The following REDIC1 variants were observed in gnomAD, a reference collection of about 807,000 sequenced individuals.
REDIC1 encodes the protein regulator of DNA class I crossover intermediates 1.
chr12:39,720,477 A>G, the REDIC1 span, among the ~76,000 whole-genome samples: 848 of 152,226 alleles, frequency 5.6e-3, 8 homozygotes, highest in African/African-American at 0.019. Context: ...GAGAGATGAT[A>G]GAGCCTGTGA....
chr12:39,830,583 G>T, the REDIC1 span: 2 of 633,744 alleles, frequency 3.2e-6, no homozygotes, highest in Non-Finnish European at 4.0e-6. Flanking sequence ...TTGTGATCCA[G>T]CCCTGACTGG....
the REDIC1 span, among the ~76,000 whole-genome samples, chr12:39,778,100 T>G: frequency 1.6e-3 from 251 of 152,220 alleles, 4 homozygotes; most frequent in East Asian, 0.036. Context: ...CCTAGAGGTT[T>G]GAGCAGCAGG....
the REDIC1 span, among the ~76,000 whole-genome samples, chr12:39,651,200 T>C: frequency 1.6e-4 from 24 of 152,322 alleles, no homozygotes; most frequent in South Asian, 4.8e-3. Flanking sequence ...TATAATGATA[T>C]ACTGTTAAAA....
At chr12:39,727,161 C>G in the REDIC1 span, among the ~76,000 whole-genome samples, 1 of 152,128 alleles carries the variant, frequency 6.6e-6, no homozygotes, top group Non-Finnish European at 1.5e-5. Context: ...TTAATTAGAT[C>G]CCATTTGTCA....
chr12:39,689,877 C>T, the REDIC1 span, among the ~76,000 whole-genome samples: 1 of 152,074 alleles, frequency 6.6e-6, no homozygotes, highest in Non-Finnish European at 1.5e-5. Flanking sequence ...TCTGTTTGAC[C>T]ACACCTATGT....
chr12:39,641,009 T>A, the REDIC1 span: 1 of 1,604,858 alleles, frequency 6.2e-7, no homozygotes, highest in African/African-American at 1.3e-5. Flanking sequence ...AGAAAAAGTG[T>A]TTTTATTTTT....
the REDIC1 span, chr12:39,683,381 A>C: frequency 1.4e-6 from 2 of 1,474,382 alleles, no homozygotes; most frequent in Non-Finnish European, 1.9e-6. Flanking sequence ...ACTATGCTAA[A>C]TTTTTAACTC....
the REDIC1 span, among the ~76,000 whole-genome samples, chr12:39,763,128 T>C: frequency 1.3e-5 from 2 of 152,102 alleles, no homozygotes; most frequent in Non-Finnish European, 2.9e-5. Context: ...GTATTTATTA[T>C]GTCATGAAGA....
the REDIC1 span, among the ~76,000 whole-genome samples, chr12:39,773,808 A>G: frequency 6.6e-6 from 1 of 152,234 alleles, no homozygotes; most frequent in Non-Finnish European, 1.5e-5. Context: ...TGATAAATGT[A>G]TGAAACTTAG....
chr12:39,895,551 TACAC>T, the REDIC1 span, among the ~76,000 whole-genome samples: 144 of 66,762 alleles, frequency 2.2e-3, 1 homozygote, highest in Middle Eastern at 9.4e-3. Flanking sequence ...TATATATATA[TACAC>T]ACACACACAC....
the REDIC1 span, among the ~76,000 whole-genome samples, chr12:39,793,392 C>T: frequency 4.6e-5 from 7 of 152,024 alleles, no homozygotes; most frequent in African/African-American, 1.4e-4. Context: ...GACATCAATT[C>T]ATCCCAAATT....
At chr12:39,662,584 A>G in the REDIC1 span, among the ~76,000 whole-genome samples, 4 of 151,980 alleles carry the variant, frequency 2.6e-5, no homozygotes, top group Non-Finnish European at 4.4e-5. Context: ...AAAGAGGGAC[A>G]ATTTGACTTT....
At chr12:39,711,181 C>G in the REDIC1 span, among the ~76,000 whole-genome samples, 2 of 151,088 alleles carry the variant, frequency 1.3e-5, no homozygotes, top group African/African-American at 4.9e-5. Flanking sequence ...TTAGTCACTA[C>G]AAATGCTGTT....
chr12:39,877,400 C>T, the REDIC1 span, among the ~76,000 whole-genome samples: 1 of 152,132 alleles, frequency 6.6e-6, no homozygotes, highest in Non-Finnish European at 1.5e-5. Flanking sequence ...TTGGAACCCC[C>T]CCTCCATGAT....
the REDIC1 span, among the ~76,000 whole-genome samples, chr12:39,760,784 A>T: frequency 6.6e-6 from 1 of 152,034 alleles, no homozygotes; most frequent in African/African-American, 2.4e-5. Context: ...AGCCAGAAAC[A>T]CATAAATATT....
the REDIC1 span, among the ~76,000 whole-genome samples, chr12:39,782,798 C>T: frequency 1.3e-5 from 2 of 152,218 alleles, no homozygotes; most frequent in South Asian, 4.2e-4. Context: ...CAATAAGGTC[C>T]AGGCTGAGGT....
the REDIC1 span, among the ~76,000 whole-genome samples, chr12:39,866,771 G>A: frequency 6.6e-6 from 1 of 152,122 alleles, no homozygotes; most frequent in Non-Finnish European, 1.5e-5. Flanking sequence ...GAGCCACAGC[G>A]CCCGGCCGAA....
At chr12:39,669,745 C>T in the REDIC1 span, among the ~76,000 whole-genome samples, 5 of 152,314 alleles carry the variant, frequency 3.3e-5, no homozygotes, top group Non-Finnish European at 5.9e-5. Context: ...CTTAAGCCTC[C>T]GCCGTGGTGG....
the REDIC1 span, among the ~76,000 whole-genome samples, chr12:39,681,067 T>A: frequency 6.6e-6 from 1 of 151,944 alleles, no homozygotes; most frequent in Non-Finnish European, 1.5e-5. Context: ...AAGTCAGGAG[T>A]TTGAGACCAC....
Sources: allele counts gnomAD v4.1 joint callset (sites outside exome capture counted in the v4.1 genomes callset), GRCh38; gene constraint gnomAD v4.1.1; transcripts MANE v1.5; gene names NCBI Gene and HGNC (gene_info 2026-07-23, HGNC 2026-07-21).